LARP4B: variants seen among roughly 807,000 people sequenced by gnomAD.
The protein encoded by LARP4B is La ribonucleoprotein 4B.
In LARP4B, 12 loss-of-function variants were observed where a neutral mutation model predicts 89.8. That is an observed-to-expected ratio of 0.13 (90% confidence interval 0.09 to 0.22). The LOEUF (loss-of-function observed/expected upper bound fraction) is 0.22. Ranked by LOEUF, LARP4B falls within the 10% of genes least tolerant of loss-of-function variation. The pLI, the probability that LARP4B is intolerant of heterozygous loss-of-function variation, is 1.00. For synonymous variants in LARP4B, 367 were observed against 363.3 expected (o/e 1.01, Z -0.12); for missense variants, 757 against 947.7 (o/e 0.80, Z 2.64).
intron 7 of LARP4B, among the ~76,000 whole-genome samples, chr10:841,845 C>T (rs955447987): frequency 6.6e-6 from 1 of 152,100 alleles, no homozygotes; most frequent in Non-Finnish European, 1.5e-5. Context: ...AATTTAATAA[C>T]CCATGCTATT....
At chr10:924,377 C>G (rs1837077256) in intron 1 of LARP4B, 1 of 152,208 alleles carries the variant, frequency 6.6e-6, no homozygotes, top group African/African-American at 2.4e-5. Context: ...GAAAGAGATT[C>G]CCTACCTTGC....
At chr10:950,238 AT>A in the LARP4B span, among the ~76,000 whole-genome samples, 3 of 152,004 alleles carry the variant, frequency 2.0e-5, no homozygotes, top group Admixed American at 6.6e-5. Context: ...AAAAGTTTTT[AT>A]TTTTTGTGAA....
chr10:911,639 C>G (rs1836667651), intron 1 of LARP4B, among the ~76,000 whole-genome samples: 1 of 152,180 alleles, frequency 6.6e-6, no homozygotes, highest in African/African-American at 2.4e-5. Flanking sequence ...TCTAATGACT[C>G]TGAGACCCGC....
chr10:910,901 G>C (rs567745626), intron 1 of LARP4B, among the ~76,000 whole-genome samples: 1 of 152,156 alleles, frequency 6.6e-6, no homozygotes, highest in African/African-American at 2.4e-5. Context: ...CTGGTCCCCC[G>C]TACCCTGCTT....
the LARP4B span, among the ~76,000 whole-genome samples, chr10:943,588 T>C: frequency 1.3e-5 from 2 of 152,204 alleles, no homozygotes; most frequent in African/African-American, 4.8e-5. Flanking sequence ...TGCCACCACA[T>C]AGGGCCAGTT....
chr10:937,228 A>G, the LARP4B span, among the ~76,000 whole-genome samples: 4 of 152,106 alleles, frequency 2.6e-5, no homozygotes, highest in East Asian at 1.9e-4. Context: ...TTTTTTGTAG[A>G]GACGAGGTTT....
chr10:826,999 G>T (rs966839599), intron 11 of LARP4B, among the ~76,000 whole-genome samples: 1 of 152,198 alleles, frequency 6.6e-6, no homozygotes, highest in Admixed American at 6.5e-5. Context: ...ACATGGCCGG[G>T]CGCAGTGGCT....
At chr10:942,945 C>CTTT in the LARP4B span, among the ~76,000 whole-genome samples, 4 of 132,886 alleles carry the variant, frequency 3.0e-5, no homozygotes, top group Non-Finnish European at 4.9e-5. Flanking sequence ...AAGCTGACTT[C>CTTT]TTTTTTTTTT....
At chr10:907,490 G>C (rs537733044) in intron 1 of LARP4B, among the ~76,000 whole-genome samples, 1 of 152,058 alleles carries the variant, frequency 6.6e-6, no homozygotes. Flanking sequence ...GTGTGCACCT[G>C]GGATCTAAAC....
At chr10:917,084 G>A (rs576775768) in intron 1 of LARP4B, among the ~76,000 whole-genome samples, 2 of 152,284 alleles carry the variant, frequency 1.3e-5, no homozygotes, top group African/African-American at 4.8e-5. Context: ...CTAATAAACT[G>A]TTGTGTTCAT....
chr10:959,462 T>C, the LARP4B span, among the ~76,000 whole-genome samples: 1 of 21,668 alleles, frequency 4.6e-5, no homozygotes, highest in Non-Finnish European at 9.3e-5. Context: ...TCCCCATCAA[T>C]CCACCTCCCC....
intron 1 of LARP4B, among the ~76,000 whole-genome samples, chr10:910,320 T>C (rs773963868): frequency 6.6e-6 from 1 of 152,202 alleles, no homozygotes; most frequent in Admixed American, 6.5e-5. Flanking sequence ...TTGGCCCAAA[T>C]CAACTCTCTA....
At chr10:935,722 C>CTTTTTTTTTTTTTTTTTTTTTTTT (rs10711022), upstream of LARP4B, among the ~76,000 whole-genome samples, 3 of 83,914 alleles carry the variant, frequency 3.6e-5, no homozygotes, top group Non-Finnish European at 4.7e-5. Context: ...CTTTTCTTTT[C>CTTTTTTTTTTTTTTTTTTTTTTTT]TTTTTTTTTT....
At chr10:830,828 A>C (rs1460603712) in intron 9 of LARP4B, 39 bp downstream of exon 9, 22 of 886,250 alleles carry the variant, frequency 2.5e-5, no homozygotes, top group Non-Finnish European at 3.9e-5. Context: ...AAAACTGGTA[A>C]ACTATGCAAT....
chr10:848,502 TGTTAA>T (rs1564403466), intron 5 of LARP4B, among the ~76,000 whole-genome samples: 1 of 151,218 alleles, frequency 6.6e-6, no homozygotes, highest in African/African-American at 2.4e-5. Context: ...CTGAAAAGGA[TGTTAA>T]AAGTTATCAT....
At chr10:983,728 A>G in the LARP4B span, among the ~76,000 whole-genome samples, 2 of 152,270 alleles carry the variant, frequency 1.3e-5, no homozygotes, top group African/African-American at 2.4e-5. Context: ...ACACTGGGAG[A>G]CAGGGCTTTC....
chr10:825,332 G>GT lies in LARP4B; in HGVS notation c.1233-17dup, dbSNP rs761616993. 6.2e-6 allele frequency: 10 copies of GT among 1,610,772 alleles called. No homozygotes were observed. Among genetic ancestry groups the GT allele is most frequent in the Non-Finnish European group, 8.5e-6 (10 of 1,178,152 alleles). ...ACTAGGATTCCTGTAAATAAAAATG[G>GT]TTTTATGTGTTGAGTTATAAAATGA... On this transcript the variant is annotated splice_polypyrimidine_tract_variant and intron_variant, in intron 12 of 17. Coordinates refer to ENST00000316157, the MANE Select transcript of LARP4B (RefSeq NM_015155.3).
intron 7 of LARP4B, among the ~76,000 whole-genome samples, chr10:838,398 AC>A (rs1366086626): frequency 4.6e-5 from 7 of 152,258 alleles, no homozygotes; most frequent in African/African-American, 1.7e-4. Flanking sequence ...ATCAAAATGC[AC>A]AAAAAACTTT....
chr10:825,179 G>C lies in LARP4B; in HGVS notation c.1370C>G (p.Ala457Gly). 1.2e-6 allele frequency: 2 copies of C among 1,614,154 alleles called. No individual in the cohort carries two copies. The highest frequency in any genetic ancestry group is 2.2e-5 in the South Asian group (2 of 91,084). ...NGVRSPQTRQ[A>G]GQTRTRIQNP... ...TTGAATCCGTGTTCTAGTTTGACCTGCTTGCCTTGTTTGTGGACTCCGGAC... is the reference window on the plus strand; with the variant it reads ...TTGAATCCGTGTTCTAGTTTGACCTCCTTGCCTTGTTTGTGGACTCCGGAC... Residue 457 changes from alanine (A) to glycine (G), a missense_variant, in exon 13 of 18, where the codon GCA (alanine) becomes GGA (glycine). Ala to Gly is a moderately conservative substitution (Grantham distance 60). Around this residue, in one of 5 missense-constraint regions of LARP4B, gnomAD observed 387 missense variants for 423.6 expected, o/e 0.91. Coordinates refer to ENST00000316157, the MANE Select transcript of LARP4B (RefSeq NM_015155.3).
Sources: gnomAD v4.1 joint callset for allele counts (sites outside exome capture counted in the v4.1 genomes callset) on GRCh38, gnomAD v4.1.1 for gene constraint, gnomAD v4.1.1 regional missense constraint, MANE v1.5 for transcripts, NCBI Gene and HGNC (gene_info 2026-07-23, HGNC 2026-07-21) for gene names.